UBE2F: variants seen among roughly 807,000 people sequenced by gnomAD.
UBE2F encodes NEDD8-conjugating enzyme UBE2F.
In UBE2F, 5 loss-of-function variants were observed where a neutral mutation model predicts 29.6. The ratio of observed to expected loss-of-function variants is 0.17; its 90% confidence interval spans 0.09 to 0.36. The LOEUF (loss-of-function observed/expected upper bound fraction) is 0.36, where lower values mean the gene tolerates loss of function less well. Ranked by LOEUF, UBE2F falls within the 10% of genes least tolerant of loss-of-function variation. The pLI is 1.00. For missense variants in UBE2F, 141 were observed against 228.5 expected, an observed-to-expected ratio of 0.62 and a Z score of 2.47; for synonymous variants, 66 against 81.8, an observed-to-expected ratio of 0.81 and a Z score of 1.04.
At chr2:237,977,839 T>C (rs77557599) in intron 2 of UBE2F, among the ~76,000 whole-genome samples, 2,989 of 152,226 alleles carry the variant, frequency 0.02, 96 homozygotes, top group African/African-American at 0.069. Flanking sequence ...AAGGGTGTTA[T>C]TCACAAGCAT....
At chr2:238,031,657 A>G (rs1411203887) in intron 7 of UBE2F, among the ~76,000 whole-genome samples, 2 of 152,246 alleles carry the variant, frequency 1.3e-5, no homozygotes, top group African/African-American at 4.8e-5. Flanking sequence ...CACAGATGGC[A>G]GGTCAGTACA....
rs566465198 is a variant in UBE2F at position 238,029,910 on chromosome 2, T to C, written c.354-646T>C. 3.9e-5 allele frequency among the ~76,000 whole-genome samples: 6 copies of C among 152,194 alleles called. No homozygotes were observed. In the South Asian group the frequency reaches 1.0e-3, roughly 26 times the overall value. On this transcript the variant is annotated intron_variant, in intron 6 of 9. Coordinates refer to ENST00000272930, the MANE Select transcript of UBE2F (RefSeq NM_080678.3). ...TAAGCTTCAGTTACTCCTGTTGTCA[T>C]GTTGTCATTTTGTTGCCATTGTCAT...
intron 2 of UBE2F, chr2:237,986,324 A>G: frequency 5.7e-6 from 1 of 175,014 alleles, no homozygotes; most frequent in South Asian, 9.7e-5. Context: ...TAATTTTTGT[A>G]TATTTTGTTT....
rs13417555 is a variant in UBE2F, at chr2:238,008,809, A to C, written c.215-7757A>C. 2.3e-3 allele frequency among the ~76,000 whole-genome samples: 345 copies of C among 152,312 alleles called. 1 individual carries two copies. The highest frequency in any genetic ancestry group is 8.1e-3 in the African/African-American group (337 of 41,562). The stretch of plus-strand genomic sequence containing the variant: ...GTTCTCATTTGTTTTACTTTTACAT[A>C]TGTTGTAACCCAGAATATATTATCT... On this transcript the variant is annotated intron_variant, in intron 4 of 9. Transcript: ENST00000272930.
chr2:237,967,563 G>A lies in UBE2F; in HGVS notation c.-17+431G>A, dbSNP rs1371567914. 6.6e-6 allele frequency among the ~76,000 whole-genome samples: 1 copy of A among 152,104 alleles called. No homozygotes were observed. Among genetic ancestry groups the A allele is most frequent in the Non-Finnish European group, 1.5e-5 (1 of 67,970 alleles). On this transcript the variant is annotated intron_variant, in intron 1 of 9. Transcript: ENST00000272930. This position sits in a 1 kb window ranked among gnomAD's most constrained non-coding sequence, Gnocchi z 6.3. Reference sequence around the variant, plus strand: ...CGTCCAGCGCCTGGCCAAGGTCACCGGCCCGACGTGGCCGCAGAAACCGGG... The same window carrying A: ...CGTCCAGCGCCTGGCCAAGGTCACCAGCCCGACGTGGCCGCAGAAACCGGG...
At chr2:238,012,226 T>C (rs1232158421) in intron 4 of UBE2F, among the ~76,000 whole-genome samples, 1 of 152,086 alleles carries the variant, frequency 6.6e-6, no homozygotes, top group East Asian at 1.9e-4. Flanking sequence ...ACTGTTAGAT[T>C]AGATTCCTTC....
intron 7 of UBE2F, among the ~76,000 whole-genome samples, chr2:238,031,480 G>A (rs1238198884): frequency 6.6e-6 from 1 of 152,172 alleles, no homozygotes; most frequent in South Asian, 2.1e-4. Context: ...GGCTCACATC[G>A]GAAGGTCAGG....
chr2:237,979,540 C>T (rs1271777200), intron 2 of UBE2F, among the ~76,000 whole-genome samples: 1 of 152,200 alleles, frequency 6.6e-6, no homozygotes, highest in African/African-American at 2.4e-5. Flanking sequence ...AGGGTAGTCA[C>T]AGCATTTAGC....
chr2:238,024,540 T>C (rs2064370232), intron 5 of UBE2F, among the ~76,000 whole-genome samples: 2 of 152,070 alleles, frequency 1.3e-5, no homozygotes, highest in African/African-American at 2.4e-5. Flanking sequence ...GACAGGGTCT[T>C]ACTATATTGC....
chr2:238,041,112 C>T (rs1462823714), intron 9 of UBE2F, among the ~76,000 whole-genome samples, 176 bp from the exon 10 acceptor site: 1 of 152,158 alleles, frequency 6.6e-6, no homozygotes, highest in Non-Finnish European at 1.5e-5. Flanking sequence ...GTGCAGTAGG[C>T]ACCCAGGTCG....
intron 4 of UBE2F, among the ~76,000 whole-genome samples, chr2:237,997,079 C>T (rs942551105): frequency 6.6e-6 from 1 of 151,850 alleles, no homozygotes; most frequent in Non-Finnish European, 1.5e-5. Flanking sequence ...AAAAAATTAG[C>T]CCGGTGTGGT....
intron 9 of UBE2F, among the ~76,000 whole-genome samples, chr2:238,037,704 C>T (rs1335490313): frequency 6.6e-6 from 1 of 152,172 alleles, no homozygotes; most frequent in Non-Finnish European, 1.5e-5. Context: ...CTCCCGGGTT[C>T]AGGCAATTCT....
At chr2:238,037,919 C>T (rs1327298095) in intron 9 of UBE2F, among the ~76,000 whole-genome samples, 2 of 152,206 alleles carry the variant, frequency 1.3e-5, no homozygotes, top group African/African-American at 4.8e-5. Context: ...AGTTCTAAAA[C>T]CCCTCTAGCT....
intron 3 of UBE2F, among the ~76,000 whole-genome samples, chr2:237,991,561 A>ATT (rs200050609): frequency 1.5e-5 from 2 of 132,444 alleles, no homozygotes; most frequent in African/African-American, 5.6e-5. Flanking sequence ...AACCTGTTAA[A>ATT]TTTTTTTTTT....
At chr2:238,025,927 C>T (rs2064416628) in intron 6 of UBE2F, among the ~76,000 whole-genome samples, 1 of 152,202 alleles carries the variant, frequency 6.6e-6, no homozygotes, top group Non-Finnish European at 1.5e-5. Context: ...CCTGCTGTGA[C>T]TTGTGTCCCT....
intron 5 of UBE2F, among the ~76,000 whole-genome samples, chr2:238,022,052 C>T (rs1477692776): frequency 1.3e-5 from 2 of 152,184 alleles, no homozygotes; most frequent in South Asian, 2.1e-4. Flanking sequence ...TTGAAAATTC[C>T]GTTTCCCTAA....
At chr2:238,024,633 T>G (rs1350018262) in intron 5 of UBE2F, among the ~76,000 whole-genome samples, 1 of 152,124 alleles carries the variant, frequency 6.6e-6, no homozygotes, top group African/African-American at 2.4e-5. Context: ...CTCCTGGGTA[T>G]CTATCATTAA....
intron 2 of UBE2F, among the ~76,000 whole-genome samples, chr2:237,977,976 G>A (rs2063314429): frequency 1.3e-5 from 2 of 152,108 alleles, no homozygotes. Flanking sequence ...GACAATACCT[G>A]TGGGGTAGGC....
intron 2 of UBE2F, among the ~76,000 whole-genome samples, chr2:237,980,262 C>T (rs1341658359): frequency 6.6e-6 from 1 of 152,220 alleles, no homozygotes; most frequent in East Asian, 1.9e-4. Context: ...TGTGACCAGC[C>T]TTTTGTCTTT....
Sources: allele counts gnomAD v4.1 joint callset (sites outside exome capture counted in the v4.1 genomes callset), GRCh38; gene constraint gnomAD v4.1.1; non-coding constraint Gnocchi (gnomAD v3.1); transcripts MANE v1.5; gene names NCBI Gene and HGNC (gene_info 2026-07-23, HGNC 2026-07-21).